Variants in TEX14 observed in about 807,000 individuals in gnomAD.
TEX14 encodes the protein testis expressed 14, intercellular bridge forming factor.
In TEX14, 168 loss-of-function variants were observed where a neutral mutation model predicts 178.6. The ratio of observed to expected loss-of-function variants is 0.94; its 90% CI spans 0.83 to 1.07. The LOEUF (loss-of-function observed/expected upper bound fraction) is 1.07, where lower values mean the gene tolerates loss of function less well. Among genes scored for constraint, TEX14 ranks in the 50% least tolerant of loss-of-function variants. The pLI, the probability that TEX14 is intolerant of heterozygous loss-of-function variation, is 0.00. For synonymous variants in TEX14, 626 were observed against 634.1 expected (o/e 0.99, Z 0.19); for missense variants, 1,730 against 1,753.6 (o/e 0.99, Z 0.24).
chr17:58,670,772 TA>T lies in TEX14; in HGVS notation c.-1-18771del, dbSNP rs58605643. On this transcript the variant is annotated intron_variant, in intron 1 of 31. Transcript: ENST00000349033. ...TGGGCGACAGAGTGAGACTCCCTCT[TA>T]AAAAAAAAAAAAAAAAAAAAAAAAA... is the stretch of plus-strand genomic sequence containing the variant. Among the ~76,000 whole-genome samples the T allele has an allele frequency of 4.1e-3, 134 of 32,996 alleles. 1 individual carries two copies. Among genetic ancestry groups the T allele is most frequent in the East Asian group, 0.03 (35 of 1,156 alleles). 21.6% of individuals were successfully genotyped at this position (32,996 alleles called of 152,430 possible).
chr17:58,599,036 G>A lies in TEX14; in HGVS notation c.2309C>T (p.Ser770Phe). The change falls in exon 14 of 32, where the codon TCT (serine) becomes TTT (phenylalanine). Residue 770 changes from serine to phenylalanine, a missense_variant. Ser to Phe is a radical substitution (Grantham distance 155, BLOSUM62 -2). Transcript: ENST00000349033. ...AAACTCTCTTGAAGTGGCCCATAAA[G>A]ACATGCGCTCTTCCTGTTCCTTCTG... is the stretch of plus-strand genomic sequence containing the variant. ...MKQKEQEERM[S>F]LWATSREFTN... 1 of 1,614,136 alleles carries A rather than the reference G, an allele frequency of 6.2e-7. No homozygotes were observed. Among genetic ancestry groups the A allele is most frequent in the Non-Finnish European group, 8.5e-7 (1 of 1,180,028 alleles).
At chr17:58,657,012 T>C (rs990559733) in intron 1 of TEX14, among the ~76,000 whole-genome samples, 1 of 151,846 alleles carries the variant, frequency 6.6e-6, no homozygotes, top group Admixed American at 6.6e-5. Context: ...TCTTGCTACA[T>C]TGCCCAGGCT....
chr17:58,659,584 G>A (rs1026517480), intron 1 of TEX14, among the ~76,000 whole-genome samples: 4 of 152,134 alleles, frequency 2.6e-5, no homozygotes, highest in Non-Finnish European at 4.4e-5. Context: ...CTTACGGATC[G>A]GTTCGCTCTA....
intron 30 of TEX14, among the ~76,000 whole-genome samples, chr17:58,558,902 GCT>G (rs2044212901): frequency 6.6e-6 from 1 of 152,146 alleles, no homozygotes; most frequent in African/African-American, 2.4e-5. Context: ...GGGTACAGTG[GCT>G]CACACCTGTA....
intron 2 of TEX14, among the ~76,000 whole-genome samples, chr17:58,650,912 A>C (rs1193604067): frequency 2.6e-5 from 4 of 152,202 alleles, no homozygotes; most frequent in Non-Finnish European, 5.9e-5. Context: ...TCAGCAAAGA[A>C]AAGTTTCAGA....
chr17:58,681,036 C>T (rs1339364781), intron 1 of TEX14, among the ~76,000 whole-genome samples: 1 of 152,092 alleles, frequency 6.6e-6, no homozygotes, highest in Admixed American at 6.6e-5. Context: ...AATCCCAGCA[C>T]TTTGGGAGGC....
At chr17:58,666,383 A>G (rs1193397738) in intron 1 of TEX14, among the ~76,000 whole-genome samples, 1 of 150,692 alleles carries the variant, frequency 6.6e-6, no homozygotes, top group Non-Finnish European at 1.5e-5. Context: ...AAACAACCAA[A>G]GAAGGCTGAG....
chr17:58,577,176 C>T (rs1355480759), intron 21 of TEX14, among the ~76,000 whole-genome samples, 199 bp downstream of exon 21: 1 of 152,182 alleles, frequency 6.6e-6, no homozygotes, highest in African/African-American at 2.4e-5. Context: ...AAGTCAGAGT[C>T]AGATCTAAGT....
chr17:58,664,451 C>T (rs1203979551), intron 1 of TEX14, among the ~76,000 whole-genome samples: 1 of 152,204 alleles, frequency 6.6e-6, no homozygotes, highest in Non-Finnish European at 1.5e-5. Context: ...TGAAAAACAC[C>T]TGTTCTCAAG....
At chr17:58,638,992 T>G (rs1011339744) in intron 2 of TEX14, among the ~76,000 whole-genome samples, 11 of 150,732 alleles carry the variant, frequency 7.3e-5, no homozygotes, top group Admixed American at 1.3e-4. Context: ...GCCTCCTGAG[T>G]AGCTGGGACT....
chr17:58,613,288 C>T, intron 9 of TEX14, 133 bp downstream of exon 9: 1 of 1,128,082 alleles, frequency 8.9e-7, no homozygotes, highest in African/African-American at 1.5e-5. Context: ...TATACAGCCC[C>T]TATAAAGCAA....
rs936889760 is a variant in TEX14 at position 58,579,588 on chromosome 17, G to A, written c.3238+77C>T. ...GAGGCTGTCCCTCAGGATCCCCCCA[G>A]CTCTAAACATCTGTGATCCAACAGA... On this transcript the variant is annotated intron_variant, in intron 20 of 31. Coordinates refer to ENST00000349033, the MANE Select transcript of TEX14 (RefSeq NM_031272.5). 3.2e-6 allele frequency: 4 copies of A among 1,264,734 alleles called. No individual in the cohort carries two copies. The African/African-American group carries it at 5.9e-5, about 19-fold the overall frequency. The allele number at this position is 1,264,734 out of a possible 1,614,324, so 78.3% of individuals were successfully genotyped here. A position where few individuals can be genotyped will look rare whatever the true frequency, so the allele number is the denominator to read the frequency against.
At chr17:58,606,976 G>GATC (rs2045622738) in intron 10 of TEX14, among the ~76,000 whole-genome samples, 2 of 132,692 alleles carry the variant, frequency 1.5e-5, no homozygotes, top group Admixed American at 1.7e-4. Context: ...TGTGAGCCGA[G>GATC]ATCGCACCAC....
At chr17:58,628,997 C>T (rs2046217371) in intron 3 of TEX14, among the ~76,000 whole-genome samples, 1 of 152,176 alleles carries the variant, frequency 6.6e-6, no homozygotes, top group Non-Finnish European at 1.5e-5. Context: ...CATATTCTAG[C>T]ATTCCTGTGA....
At chr17:58,628,881 T>A (rs1440688807) in intron 3 of TEX14, among the ~76,000 whole-genome samples, 3 of 148,082 alleles carry the variant, frequency 2.0e-5, no homozygotes, top group East Asian at 2.0e-4. Flanking sequence ...CAAGACTCCA[T>A]CACAAGAAAA....
chr17:58,582,363 GA>G (rs2044841597), intron 19 of TEX14, among the ~76,000 whole-genome samples: 1 of 152,066 alleles, frequency 6.6e-6, no homozygotes, highest in Non-Finnish European at 1.5e-5. Flanking sequence ...AGGTTCAAGT[GA>G]TTCTCCTGCC....
chr17:58,576,449 A>G (rs1002046011), intron 21 of TEX14, among the ~76,000 whole-genome samples: 4 of 152,206 alleles, frequency 2.6e-5, no homozygotes, highest in Admixed American at 6.5e-5. Flanking sequence ...ACGCCACTGC[A>G]GTGAGCTGAG....
chr17:58,683,436 C>T (rs2047535583), intron 1 of TEX14, among the ~76,000 whole-genome samples: 1 of 150,978 alleles, frequency 6.6e-6, no homozygotes, highest in Non-Finnish European at 1.5e-5. Flanking sequence ...CATATAAAAT[C>T]TTTATAAACT....
chr17:58,585,713 C>A lies in TEX14; in HGVS notation c.3070+88G>T, dbSNP rs112849462. Reference sequence around the variant, plus strand: ...TCAGGTGATCCGCTCGCCTCACCTCCCAAAGTGCTGGAATTACAGGCTGAG... The same window carrying A: ...TCAGGTGATCCGCTCGCCTCACCTCACAAAGTGCTGGAATTACAGGCTGAG... On this transcript the variant is annotated intron_variant, in intron 18 of 31. Transcript: ENST00000349033. 2.0e-4 allele frequency: 290 copies of A among 1,466,576 alleles called. 2 individuals carry two copies. The African/African-American group carries it at 3.6e-3, about 18-fold the overall frequency. The allele number at this position is 1,466,576 out of a possible 1,614,324, so 90.8% of individuals were successfully genotyped here. A position where few individuals can be genotyped will look rare whatever the true frequency, so the allele number is the denominator to read the frequency against.
Sources: gnomAD v4.1 joint callset for allele counts (sites outside exome capture counted in the v4.1 genomes callset) on GRCh38, gnomAD v4.1.1 for gene constraint, MANE v1.5 for transcripts, NCBI Gene and HGNC (gene_info 2026-07-23, HGNC 2026-07-21) for gene names.